The following EXOC3L4 variants were observed in gnomAD, a reference collection of about 807,000 sequenced individuals.
EXOC3L4 encodes the protein exocyst complex component 3-like protein 4.
In EXOC3L4, 62 loss-of-function variants were observed where a neutral mutation model predicts 69.7. That is an observed-to-expected ratio of 0.89 (90% CI 0.72 to 1.10). EXOC3L4 has a LOEUF of 1.10. EXOC3L4 is among the 50% of genes least tolerant of loss of function. The pLI is 0.00. For synonymous variants in EXOC3L4, 502 were observed against 464.2 expected (o/e 1.08, Z -1.05); for missense variants, 1,087 against 1,034.8 (o/e 1.05, Z -0.69).
Position 103,102,500 on chromosome 14 carries a change from G to C in EXOC3L4, c.777G>C (p.Arg259=). Residue 259 remains arginine (R), a synonymous_variant, in exon 3 of 12, where the codon CGG becomes CGC. Coordinates refer to ENST00000688303, the MANE Select transcript of EXOC3L4 (RefSeq NM_001077594.2). ...VRRSAQERVR[R]PGAGWAFGEA... Reference sequence around the variant, plus strand: ...GAAGCGCTCAGGAGCGCGTGCGGCGGCCGGGCGCGGGGTGGGCCTTCGGGG... The same window carrying C: ...GAAGCGCTCAGGAGCGCGTGCGGCGCCCGGGCGCGGGGTGGGCCTTCGGGG... 3 of 1,381,374 alleles carry C rather than the reference G, an allele frequency of 2.2e-6. No individual in the cohort carries two copies. The highest frequency in any genetic ancestry group is 2.8e-6 in the Non-Finnish European group (3 of 1,074,654). 85.6% of individuals were successfully genotyped at this position (1,381,374 alleles called of 1,614,324 possible). A position where few individuals can be genotyped will look rare whatever the true frequency, so the allele number is the denominator to read the frequency against.
chr14:103,106,760 A>T (rs761265102), intron 7 of EXOC3L4, 25 bp from the exon 8 acceptor site: 5 of 1,486,814 alleles, frequency 3.4e-6, no homozygotes, highest in Non-Finnish European at 4.6e-6. Flanking sequence ...TGCCCACCTC[A>T]TCGCTGGTCC....
chr14:103,098,300 G>A (rs931724093), intron 1 of EXOC3L4, among the ~76,000 whole-genome samples: 4 of 152,082 alleles, frequency 2.6e-5, no homozygotes, highest in Admixed American at 6.6e-5. Context: ...TCTCTCCGCC[G>A]GGAGGGGAGC....
Position 103,104,985 on chromosome 14 carries a change from G to C in EXOC3L4, c.1386-7G>C. On this transcript the variant is annotated splice_region_variant and splice_polypyrimidine_tract_variant and intron_variant, in intron 6 of 11. Transcript: ENST00000688303. ...GGTCCCCAAAGGCTCTGTGTATCCCGCCCCAGGTTTGAAAAGGCTTTTCTG... is the reference window on the plus strand; with the variant it reads ...GGTCCCCAAAGGCTCTGTGTATCCCCCCCCAGGTTTGAAAAGGCTTTTCTG... 3 of 1,611,734 alleles carry C rather than the reference G, an allele frequency of 1.9e-6. No individual in the cohort carries two copies. The highest frequency in any genetic ancestry group is 2.5e-6 in the Non-Finnish European group (3 of 1,178,336).
upstream of EXOC3L4, among the ~76,000 whole-genome samples, chr14:103,094,318 T>G (rs1172166429): frequency 6.6e-6 from 1 of 152,156 alleles, no homozygotes; most frequent in Non-Finnish European, 1.5e-5. Flanking sequence ...GGTCTCGGGA[T>G]GAACTCGATG....
intron 2 of EXOC3L4, among the ~76,000 whole-genome samples, chr14:103,101,333 G>A (rs1254614435): frequency 1.3e-5 from 2 of 152,158 alleles, no homozygotes; most frequent in African/African-American, 4.8e-5. Flanking sequence ...GATTACAGGC[G>A]TGAGCCACCA....
Position 103,102,391 on chromosome 14 carries a change from A to AGG in EXOC3L4, c.668_669insGG (p.Ala224GlufsTer212). On this transcript the variant is annotated frameshift_variant, in exon 3 of 12. Transcript: ENST00000688303. LOFTEE classifies it high-confidence loss of function. ...GCCCGCGTGGTGAGCGCGGAGGAGG[A>AGG]AGCCCACCCTTCTCCCCCCGACGAC... The AGG allele has an allele frequency of 1.3e-6, 2 of 1,553,990 alleles. No homozygotes were observed. The highest frequency in any genetic ancestry group is 2.3e-5 in the South Asian group (2 of 85,926).
At chr14:103,106,221 C>A (rs1890539969) in intron 7 of EXOC3L4, among the ~76,000 whole-genome samples, 1 of 152,234 alleles carries the variant, frequency 6.6e-6, no homozygotes, top group Non-Finnish European at 1.5e-5. Context: ...CTGCCTAAAT[C>A]CAAAGCATGA....
chr14:103,106,022 C>T (rs1237252768), intron 7 of EXOC3L4, among the ~76,000 whole-genome samples: 2 of 152,198 alleles, frequency 1.3e-5, no homozygotes, highest in African/African-American at 2.4e-5. Context: ...TCAGGGGACT[C>T]AGTTCCCATT....
chr14:103,103,793 C>CGTGT (rs775120339), intron 3 of EXOC3L4, 148 bp from the exon 4 acceptor site: 56,870 of 440,632 alleles, frequency 0.13, 1,845 homozygotes, highest in Non-Finnish European at 0.14. Context: ...TAGAGGCGCG[C>CGTGT]GCGCGTGTGT....
chr14:103,105,911 G>A (rs1201095400), intron 7 of EXOC3L4, among the ~76,000 whole-genome samples: 1 of 152,228 alleles, frequency 6.6e-6, no homozygotes, highest in Non-Finnish European at 1.5e-5. Context: ...CCTGCTGGCT[G>A]TGTGCTCCGG....
Position 103,103,927 on chromosome 14 carries a change from G to A in EXOC3L4, c.1050-14G>A. ...GAGCCGCTCCCGCCCCCAGCCCCCT[G>A]CCCTGTCTTCCAGTCCTGACTTCCT... On this transcript the variant is annotated splice_polypyrimidine_tract_variant and intron_variant, in intron 3 of 11. Coordinates refer to ENST00000688303, the MANE Select transcript of EXOC3L4 (RefSeq NM_001077594.2). 6.5e-7 allele frequency: 1 copy of A among 1,530,886 alleles called. No individual in the cohort carries two copies. Among genetic ancestry groups the A allele is most frequent in the Non-Finnish European group, 8.8e-7 (1 of 1,141,832 alleles). The allele number at this position is 1,530,886 out of a possible 1,614,324, so 94.8% of individuals were successfully genotyped here. A position where few individuals can be genotyped will look rare whatever the true frequency, so the allele number is the denominator to read the frequency against.
chr14:103,110,107 C>CAAGAGCAGCACACCG lies in EXOC3L4; in HGVS notation c.2057_2058insGCAGCACACCGAAGA (p.Gln685_Asp686insGluGlnHisThrGlu). 6.3e-7 allele frequency: 1 copy of CAAGAGCAGCACACCG among 1,586,672 alleles called. No homozygotes were observed. The highest frequency in any genetic ancestry group is 8.6e-7 in the Non-Finnish European group (1 of 1,167,156). On this transcript the variant is annotated inframe_insertion, in exon 12 of 12. Transcript: ENST00000688303. ...GAACCAGCATCTCTTGCAGCACACT[C>CAAGAGCAGCACACCG]AAGACCTGCTGAGAGCTGCGGCCGG... is the stretch of plus-strand genomic sequence containing the variant.
In EXOC3L4 at chr14:103,102,407, C is replaced by T; in HGVS notation, c.684C>T (p.Pro228=). Reference sequence around the variant, plus strand: ...CGGAGGAGGAAGCCCACCCTTCTCCCCCCGACGACGGCGACTTCCTGCGCA... The same window carrying T: ...CGGAGGAGGAAGCCCACCCTTCTCCTCCCGACGACGGCGACTTCCTGCGCA... The part of the protein sequence containing the change: ...VSAEEEAHPS[P]PDDGDFLRTP... The change falls in exon 3 of 12, where the codon CCC becomes CCT. Residue 228 remains proline, a synonymous_variant. Coordinates refer to ENST00000688303, the MANE Select transcript of EXOC3L4 (RefSeq NM_001077594.2). 1.3e-6 allele frequency: 2 copies of T among 1,536,650 alleles called. No individual in the cohort carries two copies. Among genetic ancestry groups the T allele is most frequent in the Non-Finnish European group, 1.7e-6 (2 of 1,150,238 alleles).
chr14:103,104,009 A>G lies in EXOC3L4; in HGVS notation c.1118A>G (p.Asp373Gly). The G allele has an allele frequency of 6.3e-7, 1 of 1,578,054 alleles. No individual in the cohort carries two copies. ...CCGCTGCCTCCGCTCCTGGCGCCGG[A>G]CGTGTGGGCCCGACTGGAGAGCGAC... Reference protein sequence around the residue: ...AEPLPPLLAPDVWARLESDYT... With the variant: ...AEPLPPLLAPGVWARLESDYT... Residue 373 changes from aspartate (D) to glycine (G), a missense_variant, in exon 4 of 12, where the codon GAC (aspartate) becomes GGC (glycine). By Grantham distance (94) the Asp-to-Gly change is moderately conservative. Transcript: ENST00000688303.
At position 103,105,262 on chromosome 14, in the gene EXOC3L4, T is replaced by G. The variant is rs532112684; in HGVS notation, c.1466+190T>G. On this transcript the variant is annotated intron_variant, in intron 7 of 11. Transcript: ENST00000688303. Reference sequence around the variant, plus strand: ...GTGTGTGTGTAGCAGAGTTGGGGGGTGTGTGTGCGTGTGTGATGGAGCTGA... The same window carrying G: ...GTGTGTGTGTAGCAGAGTTGGGGGGGGTGTGTGCGTGTGTGATGGAGCTGA... Among the ~76,000 whole-genome samples, 101 of 146,684 alleles carry G rather than the reference T, an allele frequency of 6.9e-4. 2 individuals are homozygous for G. The highest frequency in any genetic ancestry group is 2.2e-3 in the African/African-American group (87 of 39,136).
intron 3 of EXOC3L4, among the ~76,000 whole-genome samples, chr14:103,103,383 AG>A (rs1373578454): frequency 6.6e-6 from 1 of 151,272 alleles, no homozygotes; most frequent in African/African-American, 2.4e-5. Context: ...AAAGAAAGAA[AG>A]AAAAGAAAAA....
chr14:103,105,366 G>A (rs1043071727), intron 7 of EXOC3L4, among the ~76,000 whole-genome samples: 1 of 151,728 alleles, frequency 6.6e-6, no homozygotes, highest in Non-Finnish European at 1.5e-5. Flanking sequence ...GGCTGTGTGT[G>A]TGTGTGTGTG....
chr14:103,105,074 T>A lies in EXOC3L4; in HGVS notation c.1466+2T>A. 1.2e-6 allele frequency: 2 copies of A among 1,601,058 alleles called. No homozygotes were observed. The highest frequency in any genetic ancestry group is 2.7e-5 in the African/African-American group (2 of 74,652). On this transcript the variant is annotated splice_donor_variant, in intron 7 of 11. Coordinates refer to ENST00000688303, the MANE Select transcript of EXOC3L4 (RefSeq NM_001077594.2). LOFTEE classifies it high-confidence loss of function. ...CATCAACGCCTGCGAGGAGCTCAGG[T>A]AGGGCTCGCCCGCTCCTGTGCGGGC...
rs899602926 is a variant in EXOC3L4, at chr14:103,097,107, C to T, written c.-17+2267C>T. On this transcript the variant is annotated intron_variant, in intron 1 of 11. Transcript: ENST00000688303. This position sits in a 1 kb window ranked among gnomAD's most constrained non-coding sequence, Gnocchi z 4.9. ...ACGGGAGGGAAGGTCTAGGGGAAAG[C>T]GGGGAGTAGAAGCTGAGGCTGGGGG... Among the ~76,000 whole-genome samples, 4 of 54,728 alleles carry T rather than the reference C, an allele frequency of 7.3e-5. No homozygotes were observed. Among genetic ancestry groups the T allele is most frequent in the South Asian group, 6.7e-4 (1 of 1,486 alleles). The allele number at this position is 54,728 out of a possible 152,430, so 35.9% of individuals were successfully genotyped here. A position where few individuals can be genotyped will look rare whatever the true frequency, so the allele number is the denominator to read the frequency against.
Sources: allele counts gnomAD v4.1 joint callset (sites outside exome capture counted in the v4.1 genomes callset), GRCh38; gene constraint gnomAD v4.1.1; non-coding constraint Gnocchi (gnomAD v3.1); transcripts MANE v1.5; gene names NCBI Gene and HGNC (gene_info 2026-07-23, HGNC 2026-07-21).